PLOD2: variants seen among roughly 807,000 people sequenced by gnomAD.
The protein encoded by PLOD2 is procollagen-lysine,2-oxoglutarate 5-dioxygenase 2, also known as lysine hydroxylase 2.
In PLOD2, 65 loss-of-function variants were observed where a neutral mutation model predicts 101.0. The observed-to-expected ratio is 0.64, with a 90% confidence interval of 0.53 to 0.79. The LOEUF (loss-of-function observed/expected upper bound fraction) is 0.79. Ranked by LOEUF, PLOD2 falls within the 30% of genes least tolerant of loss-of-function variation. PLOD2 has a pLI of 0.00. For missense variants in PLOD2, 909 were observed against 914.6 expected, an observed-to-expected ratio of 0.99 and a Z score of 0.08; for synonymous variants, 314 against 302.9, an observed-to-expected ratio of 1.04 and a Z score of -0.38.
intron 3 of PLOD2, among the ~76,000 whole-genome samples, chr3:146,116,122 A>G (rs1347194028): frequency 6.6e-6 from 1 of 152,170 alleles, no homozygotes; most frequent in Admixed American, 6.6e-5. Flanking sequence ...TTCACACCTG[A>G]TAATTCTTTC....
rs930658434 is a variant in PLOD2, at chr3:146,137,831, T to TA, written c.110-13603dup. Among the ~76,000 whole-genome samples, 7 of 151,786 alleles carry TA rather than the reference T, an allele frequency of 4.6e-5. No individual in the cohort carries two copies. The East Asian group carries it at 1.2e-3, about 25-fold the overall frequency. On this transcript the variant is annotated intron_variant, in intron 1 of 19. Coordinates refer to ENST00000282903, the MANE Select transcript of PLOD2 (RefSeq NM_182943.3). ...ATACCATCCTAGGTATGCCAAATAA[T>TA]AAAAAAATTGGTATTTCTGATTCTA...
intron 1 of PLOD2, among the ~76,000 whole-genome samples, chr3:146,157,008 C>T (rs1300575287): frequency 2.0e-5 from 3 of 152,124 alleles, no homozygotes; most frequent in African/African-American, 7.2e-5. Flanking sequence ...AAATACAACC[C>T]GTGGAGAAGG....
intron 4 of PLOD2, among the ~76,000 whole-genome samples, chr3:146,107,252 A>C (rs1302920977): frequency 1.3e-5 from 2 of 152,230 alleles, no homozygotes; most frequent in Non-Finnish European, 2.9e-5. Context: ...TTTGTGTCAT[A>C]GTCTGGAAAA....
At chr3:146,072,718 G>A in intron 16 of PLOD2, 53 bp from the exon 17 acceptor site, 1 of 1,041,092 alleles carries the variant, frequency 9.6e-7, no homozygotes. Context: ...TGTCTTAATA[G>A]TCTAAAATAG....
At chr3:146,111,700 C>T (rs1181569097) in intron 3 of PLOD2, among the ~76,000 whole-genome samples, 1 of 140,840 alleles carries the variant, frequency 7.1e-6, no homozygotes, top group African/African-American at 2.7e-5. Flanking sequence ...TGACTGAAAC[C>T]TCAAACTTTG....
intron 1 of PLOD2, among the ~76,000 whole-genome samples, chr3:146,150,696 C>G (rs1346975397): frequency 6.6e-6 from 1 of 151,614 alleles, no homozygotes; most frequent in Non-Finnish European, 1.5e-5. Context: ...ACCTGTGTAA[C>G]AAACCGTCAC....
intron 15 of PLOD2, among the ~76,000 whole-genome samples, chr3:146,074,164 T>G (rs906544868): frequency 2.0e-5 from 3 of 151,566 alleles, no homozygotes; most frequent in African/African-American, 7.3e-5. Context: ...AAGAATTATT[T>G]TATTGGGACA....
chr3:146,160,845 G>T, intron 1 of PLOD2, 36 bp downstream of exon 1: 1 of 1,367,516 alleles, frequency 7.3e-7, no homozygotes, highest in African/African-American at 1.4e-5. Flanking sequence ...CGCCGGCCGA[G>T]CCTCGCGGGA....
At chr3:146,139,417 T>C (rs1030230653) in intron 1 of PLOD2, among the ~76,000 whole-genome samples, 1 of 152,148 alleles carries the variant, frequency 6.6e-6, no homozygotes. Context: ...TGTGACTTTC[T>C]AAACAATAAG....
At chr3:146,107,447 T>C (rs1192053068) in intron 4 of PLOD2, among the ~76,000 whole-genome samples, 1 of 152,084 alleles carries the variant, frequency 6.6e-6, no homozygotes, top group Non-Finnish European at 1.5e-5. Flanking sequence ...AAGGAACCAA[T>C]GTTACTCCTG....
chr3:146,100,153 T>C (rs1937338522), intron 7 of PLOD2, among the ~76,000 whole-genome samples: 1 of 152,168 alleles, frequency 6.6e-6, no homozygotes, highest in Admixed American at 6.6e-5. Context: ...AGTGCTGGGA[T>C]TACAGGTGTG....
chr3:146,072,440 AATTT>A, intron 17 of PLOD2, 117 bp downstream of exon 17: 2 of 733,428 alleles, frequency 2.7e-6, no homozygotes, highest in East Asian at 5.4e-5. Flanking sequence ...TTGGCTAGCC[AATTT>A]ATCTAAGTCT....
intron 1 of PLOD2, among the ~76,000 whole-genome samples, chr3:146,150,115 A>G (rs1365249794): frequency 1.3e-5 from 2 of 152,206 alleles, no homozygotes; most frequent in East Asian, 1.9e-4. Flanking sequence ...TTCCTTTCTT[A>G]AGGCTCAACA....
intron 4 of PLOD2, among the ~76,000 whole-genome samples, chr3:146,107,871 T>C (rs1392121715): frequency 6.6e-6 from 1 of 152,000 alleles, no homozygotes; most frequent in South Asian, 2.1e-4. Flanking sequence ...CTCGAACTCC[T>C]GACCTCAGGT....
chr3:146,121,340 C>G, intron 2 of PLOD2, 92 bp from the exon 3 acceptor site: 1 of 1,034,732 alleles, frequency 9.7e-7, no homozygotes. Context: ...TTGAACAGTA[C>G]TGTACCGTAA....
At chr3:146,136,492 C>T (rs1472358473) in intron 1 of PLOD2, among the ~76,000 whole-genome samples, 1 of 152,082 alleles carries the variant, frequency 6.6e-6, no homozygotes, top group Non-Finnish European at 1.5e-5. Flanking sequence ...ATGAAACATA[C>T]ACGAATTTCA....
intron 3 of PLOD2, among the ~76,000 whole-genome samples, chr3:146,117,227 A>T (rs1937953297): frequency 6.6e-6 from 1 of 152,210 alleles, no homozygotes; most frequent in Non-Finnish European, 1.5e-5. Flanking sequence ...CTATGCTTCC[A>T]TAAAACAGTT....
At chr3:146,084,262 G>GT (rs1553730552) in intron 11 of PLOD2, among the ~76,000 whole-genome samples, 7 of 151,930 alleles carry the variant, frequency 4.6e-5, no homozygotes, top group Non-Finnish European at 1.0e-4. Context: ...TAGATACTGA[G>GT]TATCTATAAC....
In PLOD2 at chr3:146,108,428, C is replaced by T. The variant is rs116323520; in HGVS notation, c.503-1784G>A. ...GAACACCTGGGCTCAAGTCACCTTC[C>T]TGTCTAGGCCTCCCAAAGTGCTGGG... On this transcript the variant is annotated intron_variant, in intron 4 of 19. Transcript: ENST00000282903. 3.9e-3 allele frequency among the ~76,000 whole-genome samples: 601 copies of T among 152,272 alleles called. 5 individuals are homozygous for T. Among genetic ancestry groups the T allele is most frequent in the African/African-American group, 0.014 (568 of 41,552 alleles).
Sources: allele counts gnomAD v4.1 joint callset (sites outside exome capture counted in the v4.1 genomes callset), GRCh38; gene constraint gnomAD v4.1.1; transcripts MANE v1.5; gene names NCBI Gene and HGNC (gene_info 2026-07-23, HGNC 2026-07-21).